Variants in SLC6A11 observed in about 807,000 individuals in gnomAD.
SLC6A11 encodes solute carrier family 6 member 11, also known as sodium- and chloride-dependent GABA transporter 3.
Under a neutral mutation model 74.8 loss-of-function variants are expected in SLC6A11, and 25 were observed. The ratio of observed to expected loss-of-function variants is 0.33; its 90% confidence interval spans 0.24 to 0.47. The LOEUF (loss-of-function observed/expected upper bound fraction) is 0.47. Among genes scored for constraint, SLC6A11 ranks in the 20% least tolerant of loss-of-function variants. The pLI is 1.00. For missense variants in SLC6A11, 574 were observed against 837.0 expected (o/e 0.69, Z 3.88); for synonymous variants, 330 against 330.2 (o/e 1.00, Z 0.01).
intron 6 of SLC6A11, among the ~76,000 whole-genome samples, chr3:10,902,166 A>G (rs553313681): frequency 4.8e-4 from 73 of 152,298 alleles, no homozygotes; most frequent in Admixed American, 2.0e-3. Context: ...TGGAAGCCCC[A>G]GGAGGGCCCC....
At chr3:10,872,951 G>A (rs1346150193) in intron 5 of SLC6A11, among the ~76,000 whole-genome samples, 11 of 152,214 alleles carry the variant, frequency 7.2e-5, no homozygotes, top group Non-Finnish European at 1.5e-5. Flanking sequence ...ATGTTGACAA[G>A]TTGCTGATCT....
At chr3:10,827,529 G>T (rs988068189) in intron 4 of SLC6A11, among the ~76,000 whole-genome samples, 2 of 152,106 alleles carry the variant, frequency 1.3e-5, no homozygotes, top group Non-Finnish European at 2.9e-5. Context: ...CTGGTTTGGT[G>T]GGCTCCAGTT....
intron 5 of SLC6A11, among the ~76,000 whole-genome samples, chr3:10,850,030 G>A (rs1308261070): frequency 6.6e-6 from 1 of 152,054 alleles, no homozygotes; most frequent in Non-Finnish European, 1.5e-5. Context: ...AAGCAATGTG[G>A]AGTCATTGCA....
chr3:10,826,854 G>A (rs566664694), intron 4 of SLC6A11, among the ~76,000 whole-genome samples: 161 of 152,280 alleles, frequency 1.1e-3, no homozygotes, highest in Non-Finnish European at 1.0e-3. Context: ...GAACACCAAG[G>A]GCAGGCAAGG....
chr3:10,923,809 C>A (rs1695566385), intron 8 of SLC6A11, among the ~76,000 whole-genome samples: 1 of 152,090 alleles, frequency 6.6e-6, no homozygotes, highest in South Asian at 2.1e-4. Flanking sequence ...AACAGTTTAA[C>A]CTTAACCTTA....
At chr3:10,857,592 C>T (rs1694653794) in intron 5 of SLC6A11, among the ~76,000 whole-genome samples, 1 of 152,122 alleles carries the variant, frequency 6.6e-6, no homozygotes, top group Admixed American at 6.5e-5. Context: ...GAGCCTTATC[C>T]TGAATCACAA....
At chr3:10,898,992 A>T (rs1695204503) in intron 6 of SLC6A11, among the ~76,000 whole-genome samples, 1 of 152,228 alleles carries the variant, frequency 6.6e-6, no homozygotes, top group African/African-American at 2.4e-5. Flanking sequence ...AAGAGAGAGA[A>T]TGAGAGCCAA....
intron 5 of SLC6A11, among the ~76,000 whole-genome samples, chr3:10,855,479 T>C (rs1050503043): frequency 2.4e-4 from 37 of 152,194 alleles, no homozygotes; most frequent in African/African-American, 7.7e-4. Context: ...CCTTCTTGGC[T>C]GTCTCCTCAC....
At chr3:10,905,754 T>C (rs1025205331) in intron 6 of SLC6A11, among the ~76,000 whole-genome samples, 6 of 152,196 alleles carry the variant, frequency 3.9e-5, no homozygotes, top group Non-Finnish European at 5.9e-5. Flanking sequence ...GCAGACTCCA[T>C]GTAAAGACAT....
At chr3:10,819,666 T>A in intron 2 of SLC6A11, 46 bp from the exon 3 acceptor site, 2 of 1,611,152 alleles carry the variant, frequency 1.2e-6, no homozygotes, top group Non-Finnish European at 1.7e-6. Flanking sequence ...GGCAGATTGT[T>A]TTGAAAAGAT....
At chr3:10,889,036 T>G (rs1053587648) in intron 6 of SLC6A11, among the ~76,000 whole-genome samples, 2 of 152,188 alleles carry the variant, frequency 1.3e-5, no homozygotes, top group Admixed American at 1.3e-4. Context: ...GGGGAGGATC[T>G]TTAACCCCCC....
chr3:10,821,754 C>T (rs1386877825), intron 3 of SLC6A11, among the ~76,000 whole-genome samples: 3 of 151,756 alleles, frequency 2.0e-5, no homozygotes, highest in Non-Finnish European at 4.4e-5. Flanking sequence ...TTTATTTGTA[C>T]ATGGTTAAAT....
intron 6 of SLC6A11, among the ~76,000 whole-genome samples, chr3:10,906,670 C>T (rs1695306689): frequency 6.6e-6 from 1 of 152,126 alleles, no homozygotes; most frequent in East Asian, 1.9e-4. Context: ...GAACACTACG[C>T]ACTAACCAGT....
chr3:10,854,208 C>T (rs554898486), intron 5 of SLC6A11, among the ~76,000 whole-genome samples: 3 of 152,070 alleles, frequency 2.0e-5, no homozygotes, highest in South Asian at 4.2e-4. Flanking sequence ...GCCAACATGG[C>T]GAAACCCCGT....
At chr3:10,896,479 G>T (rs1302390750) in intron 6 of SLC6A11, among the ~76,000 whole-genome samples, 1 of 152,230 alleles carries the variant, frequency 6.6e-6, no homozygotes, top group Non-Finnish European at 1.5e-5. Flanking sequence ...GCTCAAAGAG[G>T]TGACCTCCTC....
At chr3:10,865,208 G>A (rs1318523124) in intron 5 of SLC6A11, among the ~76,000 whole-genome samples, 3 of 152,224 alleles carry the variant, frequency 2.0e-5, no homozygotes, top group Admixed American at 1.3e-4. Context: ...CAATCCTCAC[G>A]ACATCATTTG....
intron 13 of SLC6A11, among the ~76,000 whole-genome samples, chr3:10,937,733 T>C (rs1164860005): frequency 3.9e-5 from 6 of 152,218 alleles, no homozygotes; most frequent in Admixed American, 6.5e-5. Context: ...TTTGTGATAA[T>C]GCTTCTACCT....
chr3:10,880,881 T>A (rs1694967602), intron 6 of SLC6A11, among the ~76,000 whole-genome samples: 1 of 152,270 alleles, frequency 6.6e-6, no homozygotes, highest in Middle Eastern at 3.4e-3. Context: ...CTACTCAGCA[T>A]GTAGAATGAG....
chr3:10,861,636 G>T (rs1403692584), intron 5 of SLC6A11, among the ~76,000 whole-genome samples: 1 of 152,190 alleles, frequency 6.6e-6, no homozygotes, highest in South Asian at 2.1e-4. Context: ...TTTTAAAGCT[G>T]CAAAGATAGG....
Sources: gnomAD v4.1 joint callset for allele counts (sites outside exome capture counted in the v4.1 genomes callset) on GRCh38, gnomAD v4.1.1 for gene constraint, MANE v1.5 for transcripts, NCBI Gene and HGNC (gene_info 2026-07-23, HGNC 2026-07-21) for gene names.